AFDN: variants seen among roughly 807,000 people sequenced by gnomAD.
AFDN encodes the protein afadin, adherens junction formation factor.
A neutral mutation model predicts 216.6 loss-of-function variants in AFDN; 68 were observed. The ratio of observed to expected loss-of-function variants is 0.31; its 90% CI spans 0.26 to 0.38. The LOEUF (loss-of-function observed/expected upper bound fraction) is 0.38. Ranked by LOEUF, AFDN falls within the 10% of genes least tolerant of loss-of-function variation. The pLI is 1.00. For synonymous variants in AFDN, 868 were observed against 853.7 expected, an observed-to-expected ratio of 1.02 and a Z score of -0.29; for missense variants, 2,136 against 2,342.0, an observed-to-expected ratio of 0.91 and a Z score of 1.82.
At chr6:167,953,719 T>A (rs945109705) in intron 30 of AFDN, among the ~76,000 whole-genome samples, 10 of 152,166 alleles carry the variant, frequency 6.6e-5, no homozygotes, top group African/African-American at 2.2e-4. Flanking sequence ...CCATCAGAGC[T>A]CTCTGAAAGG....
chr6:167,913,868 C>A (rs1029330133), intron 16 of AFDN: 1 of 450,200 alleles, frequency 2.2e-6, no homozygotes, highest in Non-Finnish European at 4.0e-6. Flanking sequence ...GCACGGTCTA[C>A]AATTTGGTGT....
chr6:167,935,941 G>C (rs1179941202), intron 23 of AFDN, among the ~76,000 whole-genome samples: 3 of 151,970 alleles, frequency 2.0e-5, no homozygotes, highest in Non-Finnish European at 4.4e-5. Flanking sequence ...TACATTATTG[G>C]TGCAGCACTA....
chr6:167,936,488 A>G (rs1442226164), intron 23 of AFDN, among the ~76,000 whole-genome samples: 1 of 152,240 alleles, frequency 6.6e-6, no homozygotes, highest in Non-Finnish European at 1.5e-5. Flanking sequence ...AATAGACTAC[A>G]TAGATTGTCC....
At chr6:167,869,014 G>A (rs544922755) in intron 2 of AFDN, among the ~76,000 whole-genome samples, 87 of 151,500 alleles carry the variant, frequency 5.7e-4, no homozygotes, top group African/African-American at 2.0e-3. Context: ...GAGCTCGATC[G>A]ATCTATCCAC....
chr6:167,871,120 G>GC (rs1235490913), intron 3 of AFDN, among the ~76,000 whole-genome samples: 1 of 54,130 alleles, frequency 1.8e-5, no homozygotes, highest in East Asian at 6.4e-4. Context: ...CCCCCGCCCC[G>GC]CCCCCCAACA....
intron 23 of AFDN, among the ~76,000 whole-genome samples, chr6:167,935,619 G>A (rs1274155730): frequency 6.6e-6 from 1 of 152,156 alleles, no homozygotes; most frequent in Non-Finnish European, 1.5e-5. Flanking sequence ...GAGTAATCCT[G>A]AATAATTAGT....
At chr6:167,837,957 A>G (rs957178562) in intron 1 of AFDN, among the ~76,000 whole-genome samples, 3 of 152,238 alleles carry the variant, frequency 2.0e-5, no homozygotes, top group African/African-American at 7.2e-5. Context: ...TATTTGGATC[A>G]TATACTTATG....
At position 167,914,325 on chromosome 6, in the gene AFDN, A is replaced by G. The variant is rs1443962912; in HGVS notation, c.2204+12A>G. 7 of 1,613,396 alleles carry G rather than the reference A, an allele frequency of 4.3e-6. No homozygotes were observed. In the African/African-American group the frequency reaches 6.7e-5, roughly 15 times the overall value. ...CAAATGGCATTTAAGTAAGGAACAC[A>G]TTTTTGAAGGCGGCACTACTCTAAA... On this transcript the variant is annotated intron_variant, in intron 17 of 33. Transcript: ENST00000683244.
At chr6:167,845,062 A>G (rs1425998247) in intron 1 of AFDN, among the ~76,000 whole-genome samples, 1 of 151,942 alleles carries the variant, frequency 6.6e-6, no homozygotes, top group Non-Finnish European at 1.5e-5. Context: ...TGGTCTCACT[A>G]TGTTGCCCAC....
intron 1 of AFDN, among the ~76,000 whole-genome samples, chr6:167,848,331 G>A (rs1781923722): frequency 6.6e-6 from 1 of 152,120 alleles, no homozygotes; most frequent in Admixed American, 6.5e-5. Flanking sequence ...TGTCCAGAAA[G>A]TTTAAGGAAT....
intron 30 of AFDN, 194 bp downstream of exon 30, chr6:167,952,381 T>C: frequency 1.4e-6 from 2 of 1,467,246 alleles, no homozygotes; most frequent in Non-Finnish European, 1.8e-6. Flanking sequence ...GCTAAATTTT[T>C]TAAGACATGC....
chr6:167,961,694 C>T (rs1379674992), intron 30 of AFDN, among the ~76,000 whole-genome samples: 1 of 152,144 alleles, frequency 6.6e-6, no homozygotes, highest in Admixed American at 6.5e-5. Flanking sequence ...CTAGTGTTAC[C>T]TGAAAACAGA....
At position 167,969,094 on chromosome 6, in the gene AFDN, C is replaced by T. The variant is rs781464191; in HGVS notation, c.5258-20C>T. 24 of 1,579,750 alleles carry T rather than the reference C, an allele frequency of 1.5e-5. No homozygotes were observed. Among genetic ancestry groups the T allele is most frequent in the Non-Finnish European group, 1.9e-5 (22 of 1,149,006 alleles). ...AAATAATCAGGTACTTTAACTTGTA[C>T]TGTTTCTTTCATGGAAAAGGACCAA... On this transcript the variant is annotated intron_variant, in intron 32 of 33. Transcript: ENST00000683244.
chr6:167,932,326 G>T (rs1374129891), intron 23 of AFDN, among the ~76,000 whole-genome samples: 1 of 152,150 alleles, frequency 6.6e-6, no homozygotes, highest in Non-Finnish European at 1.5e-5. Context: ...AAATCCAGAT[G>T]ATTTGGAAGC....
At chr6:167,844,911 G>A (rs1781492835) in intron 1 of AFDN, among the ~76,000 whole-genome samples, 2 of 143,730 alleles carry the variant, frequency 1.4e-5, no homozygotes, top group South Asian at 4.5e-4. Context: ...TCAGGCTGGA[G>A]TGCAGTGGCG....
At position 167,898,288 on chromosome 6, in the gene AFDN, C is replaced by T. The variant is rs375206212; in HGVS notation, c.1401C>T (p.Asp467=). The stretch of plus-strand genomic sequence containing the variant: ...TCACTGTGACGCCCAGAAGTATGGA[C>T]GCAGAAACCTACGTGGAAGGCCAGC... The part of the protein sequence containing the change: ...GVVTVTPRSM[D]AETYVEGQRI... Residue 467 remains aspartate (D), a synonymous_variant, in exon 11 of 34, where the codon GAC becomes GAT. Transcript: ENST00000683244. The T allele has an allele frequency of 2.3e-5, 37 of 1,614,084 alleles. No homozygotes were observed. The highest frequency in any genetic ancestry group is 3.3e-4 in the Middle Eastern group (2 of 6,062).
chr6:167,841,858 C>T (rs1276258667), intron 1 of AFDN, among the ~76,000 whole-genome samples: 3 of 152,036 alleles, frequency 2.0e-5, no homozygotes, highest in South Asian at 2.1e-4. Context: ...TTTGAGATCC[C>T]ATTCCTCTGG....
At chr6:167,849,121 A>C (rs1388804566) in intron 1 of AFDN, among the ~76,000 whole-genome samples, 1 of 150,786 alleles carries the variant, frequency 6.6e-6, no homozygotes, top group East Asian at 2.0e-4. Context: ...GAACAGTAAT[A>C]ATACCTACCT....
At chr6:167,852,862 A>T (rs569175966) in intron 1 of AFDN, among the ~76,000 whole-genome samples, 1 of 151,980 alleles carries the variant, frequency 6.6e-6, no homozygotes, top group African/African-American at 2.4e-5. Context: ...GATTGTCCCA[A>T]ATTTGTCCAG....
Sources: allele counts gnomAD v4.1 joint callset (sites outside exome capture counted in the v4.1 genomes callset), GRCh38; gene constraint gnomAD v4.1.1; transcripts MANE v1.5; gene names NCBI Gene and HGNC (gene_info 2026-07-23, HGNC 2026-07-21).